The following PCDH15 variants were observed in gnomAD, a reference collection of about 807,000 sequenced individuals.
PCDH15 encodes the protein protocadherin related 15, also known as protocadherin-15.
Under a neutral mutation model 178.5 loss-of-function variants are expected in PCDH15, and 129 were observed. That is an observed-to-expected ratio of 0.72 (90% CI 0.63 to 0.84). The LOEUF (loss-of-function observed/expected upper bound fraction) is 0.84, where lower values mean the gene tolerates loss of function less well. Ranked by LOEUF, PCDH15 falls within the 40% of genes least tolerant of loss-of-function variation. PCDH15 has a pLI of 0.00. For missense variants in PCDH15, 2,230 were observed against 2,099.9 expected, an observed-to-expected ratio of 1.06 and a Z score of -1.21; for synonymous variants, 800 against 732.0, an observed-to-expected ratio of 1.09 and a Z score of -1.50.
intron 3 of PCDH15, among the ~76,000 whole-genome samples, chr10:54,462,741 C>G (rs373653884): frequency 1.5e-5 from 2 of 137,328 alleles, no homozygotes; most frequent in African/African-American, 2.8e-5. Flanking sequence ...CTATGTGGCC[C>G]GGCTGGTCTC....
At chr10:55,385,922 TATAA>T (rs1837649470) in intron 2 of PCDH15, among the ~76,000 whole-genome samples, 1 of 151,454 alleles carries the variant, frequency 6.6e-6, no homozygotes, top group Non-Finnish European at 1.5e-5. Flanking sequence ...AACACATATT[TATAA>T]ATAGCATTGT....
chr10:55,302,730 G>A (rs1158242318), intron 1 of PCDH15, among the ~76,000 whole-genome samples: 3 of 152,078 alleles, frequency 2.0e-5, no homozygotes, highest in Non-Finnish European at 2.9e-5. Context: ...TGGATACCAT[G>A]TCCTAACCTT....
intron 21 of PCDH15, among the ~76,000 whole-genome samples, chr10:53,977,229 T>C (rs966447913): frequency 5.9e-5 from 9 of 152,176 alleles, no homozygotes; most frequent in Non-Finnish European, 1.3e-4. Context: ...AGACCAAGGA[T>C]GTCCGATCTT....
chr10:54,095,043 T>G (rs1366662042), intron 15 of PCDH15, among the ~76,000 whole-genome samples: 1 of 152,186 alleles, frequency 6.6e-6, no homozygotes, highest in East Asian at 1.9e-4. Context: ...GCATTTTATG[T>G]GCAAGGAATG....
chr10:55,011,441 A>G (rs1840045953), intron 2 of PCDH15, among the ~76,000 whole-genome samples: 1 of 152,092 alleles, frequency 6.6e-6, no homozygotes. Context: ...TTAAAGTGCT[A>G]TGGAGTCTTT....
chr10:54,695,011 G>C (rs559943188), intron 1 of PCDH15, among the ~76,000 whole-genome samples: 22 of 151,212 alleles, frequency 1.5e-4, no homozygotes, highest in African/African-American at 4.9e-4. Context: ...ACTTCAGTGA[G>C]CACATGAATG....
Position 55,411,787 on chromosome 10 carries a change from T to C in PCDH15, c.-156+215838A>G, listed in dbSNP as rs544054400. ...ATTGATTAATTCTGTAAATAAGTGATGAATCTATTATGTCTTAGGCATAAT... is the reference window on the plus strand; with the variant it reads ...ATTGATTAATTCTGTAAATAAGTGACGAATCTATTATGTCTTAGGCATAAT... On this transcript the variant is annotated intron_variant, in intron 2 of 5. Coordinates refer to the PCDH15 transcript ENST00000613346. Among the ~76,000 whole-genome samples the C allele has an allele frequency of 2.4e-4, 37 of 152,264 alleles. No individual in the cohort carries two copies. In the Middle Eastern group the frequency reaches 0.014, roughly 56 times the overall value.
At chr10:55,071,022 A>T (rs1041604319) in intron 2 of PCDH15, among the ~76,000 whole-genome samples, 1 of 152,126 alleles carries the variant, frequency 6.6e-6, no homozygotes, top group African/African-American at 2.4e-5. Context: ...AAGGAGAAAT[A>T]AAATACTTTA....
chr10:54,888,927 T>C (rs866135981), intron 3 of PCDH15, among the ~76,000 whole-genome samples: 6 of 151,892 alleles, frequency 4.0e-5, no homozygotes, highest in East Asian at 3.9e-4. Context: ...ATTCTTTTAA[T>C]TGTATTGTGA....
intron 1 of PCDH15, among the ~76,000 whole-genome samples, chr10:55,312,864 G>A (rs943706529): frequency 2.6e-5 from 4 of 152,040 alleles, no homozygotes; most frequent in East Asian, 1.9e-4. Flanking sequence ...TGATCCACCC[G>A]CCTCGGCCTC....
intron 2 of PCDH15, among the ~76,000 whole-genome samples, chr10:55,001,126 AC>A (rs1839785692): frequency 6.6e-6 from 1 of 152,078 alleles, no homozygotes. Flanking sequence ...GAAAGGAGCT[AC>A]CCACTCTGGG....
At chr10:55,201,055 GTATCCT>G (rs1236476978) in intron 1 of PCDH15, among the ~76,000 whole-genome samples, 1 of 151,930 alleles carries the variant, frequency 6.6e-6, no homozygotes, top group African/African-American at 2.4e-5. Context: ...ACTTCATTTC[GTATCCT>G]TAGTATAGTG....
At chr10:55,350,256 T>TATATAA (rs1844882123) in intron 2 of PCDH15, among the ~76,000 whole-genome samples, 1 of 67,416 alleles carries the variant, frequency 1.5e-5, no homozygotes, top group African/African-American at 6.8e-5. Flanking sequence ...TATATATATA[T>TATATAA]ATATATATAT....
intron 2 of PCDH15, among the ~76,000 whole-genome samples, chr10:54,988,065 T>C (rs1331940284): frequency 6.6e-6 from 1 of 152,182 alleles, no homozygotes; most frequent in African/African-American, 2.4e-5. Flanking sequence ...GGGTCCAGTT[T>C]CAGTTTTCTG....
chr10:54,418,774 TAAG>T (rs1267309821), intron 3 of PCDH15, among the ~76,000 whole-genome samples: 1 of 151,978 alleles, frequency 6.6e-6, no homozygotes. Context: ...AAATCATAAA[TAAG>T]TTTGATGCAA....
At chr10:54,453,994 G>A (rs1182549796) in intron 3 of PCDH15, among the ~76,000 whole-genome samples, 2 of 151,448 alleles carry the variant, frequency 1.3e-5, no homozygotes, top group African/African-American at 4.8e-5. Context: ...TTTCCAATAG[G>A]TCTGAAATAT....
chr10:53,907,048 C>T (rs1050172554), intron 25 of PCDH15: 2 of 152,076 alleles, frequency 1.3e-5, no homozygotes, highest in African/African-American at 2.4e-5. Context: ...TAAGTATACA[C>T]CTATAGTTAA....
At chr10:54,089,106 T>G (rs1260025058) in intron 16 of PCDH15, among the ~76,000 whole-genome samples, 1 of 152,216 alleles carries the variant, frequency 6.6e-6, no homozygotes. Context: ...TACTAACTCA[T>G]GTTTGTAAAA....
chr10:54,451,224 G>C (rs1376900512), intron 3 of PCDH15, among the ~76,000 whole-genome samples: 1 of 151,634 alleles, frequency 6.6e-6, no homozygotes, highest in African/African-American at 2.4e-5. Flanking sequence ...GCATTTATTG[G>C]CACTTGGAAA....
Sources: gnomAD v4.1 joint callset for allele counts (sites outside exome capture counted in the v4.1 genomes callset) on GRCh38, gnomAD v4.1.1 for gene constraint, MANE v1.5 for transcripts, NCBI Gene and HGNC (gene_info 2026-07-23, HGNC 2026-07-21) for gene names.